The following DYSF variants were observed in gnomAD, a reference collection of about 807,000 sequenced individuals.
DYSF encodes dysferlin.
Under a neutral mutation model 274.9 loss-of-function variants are expected in DYSF, and 212 were observed. The observed-to-expected ratio is 0.77, with a 90% confidence interval of 0.69 to 0.86. The LOEUF (loss-of-function observed/expected upper bound fraction) is 0.86, where lower values mean the gene tolerates loss of function less well. Ranked by LOEUF, DYSF falls within the 40% of genes least tolerant of loss-of-function variation. DYSF has a pLI of 0.00. For synonymous variants in DYSF, 1,091 were observed against 1,078.7 expected, an observed-to-expected ratio of 1.01 and a Z score of -0.22; for missense variants, 2,666 against 2,783.2, an observed-to-expected ratio of 0.96 and a Z score of 0.95.
intron 40 of DYSF, among the ~76,000 whole-genome samples, chr2:71,618,303 GTGGTGTGTGTGTGTGT>G (rs1558638662): frequency 9.7e-6 from 1 of 102,630 alleles, no homozygotes; most frequent in African/African-American, 4.0e-5. Flanking sequence ...TGTGGTAGAG[GTGGTGTGTGTGTGTGT>G]GGTAGAGATG....
At chr2:71,453,974 G>C in exon 1 of DYSF, 1 of 1,613,070 alleles carries the variant, frequency 6.2e-7, no homozygotes, top group Non-Finnish European at 8.5e-7. Context: ...CGCCCTGGGC[G>C]CACGGGGCCC....
chr2:71,659,300 A>G (rs1221640982), intron 44 of DYSF, among the ~76,000 whole-genome samples: 1 of 152,232 alleles, frequency 6.6e-6, no homozygotes, highest in Non-Finnish European at 1.5e-5. Context: ...TGAGATTTTG[A>G]TAGGCTGGGA....
intron 30 of DYSF, among the ~76,000 whole-genome samples, chr2:71,581,420 T>A (rs1324216407): frequency 2.6e-5 from 4 of 152,058 alleles, no homozygotes; most frequent in African/African-American, 9.7e-5. Flanking sequence ...AGAAAGGGAG[T>A]CTGTGTGTTC....
At chr2:71,505,220 G>T (rs1054930011) in intron 4 of DYSF, among the ~76,000 whole-genome samples, 1 of 152,248 alleles carries the variant, frequency 6.6e-6, no homozygotes, top group Admixed American at 6.5e-5. Flanking sequence ...CTTTGGGCTG[G>T]GGCTTCCTGC....
chr2:71,523,141 C>T (rs1269651085), intron 12 of DYSF, among the ~76,000 whole-genome samples: 1 of 152,226 alleles, frequency 6.6e-6, no homozygotes, highest in Non-Finnish European at 1.5e-5. Context: ...GGCTCCTGGT[C>T]TTTTCTCCAC....
chr2:71,479,415 TG>T (rs899602144), intron 1 of DYSF, among the ~76,000 whole-genome samples: 3 of 151,956 alleles, frequency 2.0e-5, no homozygotes, highest in Admixed American at 6.6e-5. Context: ...GTCCACATGG[TG>T]GGCCGCCAAG....
intron 55 of DYSF, among the ~76,000 whole-genome samples, chr2:71,684,590 T>C (rs867148784): frequency 6.6e-6 from 1 of 152,178 alleles, no homozygotes; most frequent in Admixed American, 6.5e-5. Flanking sequence ...AATGCTCTTT[T>C]GGGAGGCTCA....
At chr2:71,622,487 G>T (rs976739277) in intron 41 of DYSF, among the ~76,000 whole-genome samples, 3 of 152,150 alleles carry the variant, frequency 2.0e-5, no homozygotes, top group Non-Finnish European at 4.4e-5. Context: ...ATGCTGCTGA[G>T]CAGACTTATT....
At position 71,619,225 on chromosome 2, in the gene DYSF, C is replaced by T. The variant is rs538716738; in HGVS notation, c.4465-1322C>T. Among the ~76,000 whole-genome samples the T allele has an allele frequency of 9.2e-5, 14 of 152,170 alleles. No homozygotes were observed. The East Asian group carries it at 2.3e-3, about 25-fold the overall frequency. On this transcript the variant is annotated intron_variant, in intron 40 of 55. Transcript: ENST00000410020. Reference sequence around the variant, plus strand: ...GGGCAGAGCTGCTGCCTGGCGAGGCCCGTCTCTGGCCAGCTAGGGGTGGCA... The same window carrying T: ...GGGCAGAGCTGCTGCCTGGCGAGGCTCGTCTCTGGCCAGCTAGGGGTGGCA...
chr2:71,482,532 G>C (rs1437341840), intron 3 of DYSF, among the ~76,000 whole-genome samples: 1 of 152,098 alleles, frequency 6.6e-6, no homozygotes, highest in Non-Finnish European at 1.5e-5. Context: ...TGTACCTAGT[G>C]GTGGGTTTCT....
At chr2:71,460,429 C>A (rs1304330316) in intron 1 of DYSF, among the ~76,000 whole-genome samples, 1 of 152,092 alleles carries the variant, frequency 6.6e-6, no homozygotes, top group East Asian at 1.9e-4. Flanking sequence ...ATTTGGGTGA[C>A]CATGTACCCA....
chr2:71,640,692 G>A (rs1213448702), intron 41 of DYSF, among the ~76,000 whole-genome samples: 1 of 151,978 alleles, frequency 6.6e-6, no homozygotes, highest in Non-Finnish European at 1.5e-5. Flanking sequence ...CTGTTCGTTA[G>A]TGTTTTATTT....
chr2:71,602,661 G>A, intron 35 of DYSF, 115 bp from the exon 36 acceptor site: 1 of 1,091,662 alleles, frequency 9.2e-7, no homozygotes, highest in Non-Finnish European at 1.4e-6. Flanking sequence ...GGTGGCATCT[G>A]GCATGCTGAC....
intron 55 of DYSF, among the ~76,000 whole-genome samples, chr2:71,682,980 G>A (rs998722710): frequency 6.6e-6 from 1 of 152,220 alleles, no homozygotes; most frequent in Non-Finnish European, 1.5e-5. Context: ...GAGAAGATGA[G>A]GCCCTTTGGG....
chr2:71,621,470 C>T (rs1421786494), intron 41 of DYSF, among the ~76,000 whole-genome samples: 1 of 151,980 alleles, frequency 6.6e-6, no homozygotes, highest in Non-Finnish European at 1.5e-5. Context: ...TTATGATAGG[C>T]ACTGTTAGGG....
rs2090972635 is a variant in DYSF at position 71,551,828 on chromosome 2, C to T, written c.1806+108C>T. 1.0e-5 allele frequency: 9 copies of T among 879,430 alleles called. No homozygotes were observed. The Admixed American group carries it at 1.7e-4, about 17-fold the overall frequency. 54.5% of individuals were successfully genotyped at this position (879,430 alleles called of 1,614,324 possible). On this transcript the variant is annotated intron_variant, in intron 19 of 55. Coordinates refer to ENST00000410020, the MANE Select transcript of DYSF (RefSeq NM_001130987.2). The stretch of plus-strand genomic sequence containing the variant: ...GGCCGAGGGAGGAGGAAGCTCTGCC[C>T]ACACGCATCGTGCCTTTACCTCCCC...
intron 55 of DYSF, 50 bp downstream of exon 55, chr2:71,682,727 G>A: frequency 6.3e-7 from 1 of 1,585,296 alleles, no homozygotes; most frequent in Non-Finnish European, 8.6e-7. Context: ...GTCTAATGGG[G>A]GAGTTCATCA....
At chr2:71,626,021 T>A (rs1287272872) in intron 41 of DYSF, among the ~76,000 whole-genome samples, 2 of 152,088 alleles carry the variant, frequency 1.3e-5, no homozygotes, top group Non-Finnish European at 2.9e-5. Flanking sequence ...AACTCTCTTA[T>A]GAATTATACT....
chr2:71,620,654 G>A, intron 41 of DYSF, 45 bp downstream of exon 41: 1 of 1,538,898 alleles, frequency 6.5e-7, no homozygotes, highest in Non-Finnish European at 8.8e-7. Context: ...ATTCCCTTGT[G>A]GGGCTGGGGG....
Sources: allele counts gnomAD v4.1 joint callset (sites outside exome capture counted in the v4.1 genomes callset), GRCh38; gene constraint gnomAD v4.1.1; transcripts MANE v1.5; gene names NCBI Gene and HGNC (gene_info 2026-07-23, HGNC 2026-07-21).